The following CARD19 variants were observed in gnomAD, a reference collection of about 807,000 sequenced individuals.
CARD19 encodes caspase recruitment domain-containing protein 19.
A neutral mutation model predicts 24.1 loss-of-function variants in CARD19; 25 were observed. That is an observed-to-expected ratio of 1.04 (90% CI 0.76 to 1.45). The LOEUF is 1.45. Ranked by LOEUF, CARD19 falls within the 40% of genes most tolerant of loss-of-function variation. The pLI is 0.00. For synonymous variants in CARD19, 103 were observed against 104.9 expected (o/e 0.98, Z 0.11); for missense variants, 241 against 247.4 (o/e 0.97, Z 0.17).
intron 1 of CARD19, among the ~76,000 whole-genome samples, chr9:93,098,022 G>C (rs1826945086): frequency 6.6e-6 from 1 of 152,268 alleles, no homozygotes; most frequent in African/African-American, 2.4e-5. Flanking sequence ...CTGGGGTCCT[G>C]CCTTGCGCCA....
intron 1 of CARD19, among the ~76,000 whole-genome samples, chr9:93,099,940 A>G (rs1053002230): frequency 1.3e-5 from 2 of 152,156 alleles, no homozygotes; most frequent in African/African-American, 4.8e-5. Context: ...TGTTCTCTGG[A>G]GGGCAGGTAT....
At chr9:93,101,163 C>T (rs575434047) in intron 1 of CARD19, among the ~76,000 whole-genome samples, 4 of 150,670 alleles carry the variant, frequency 2.7e-5, no homozygotes, top group Non-Finnish European at 5.9e-5. Flanking sequence ...GTGCAACCTC[C>T]GCCTCCTGGG....
chr9:93,112,277 T>G lies in CARD19; in HGVS notation c.424T>G (p.Cys142Gly). 1 of 1,544,304 alleles carries G rather than the reference T, an allele frequency of 6.5e-7. No individual in the cohort carries two copies. The highest frequency in any genetic ancestry group is 8.7e-7 in the Non-Finnish European group (1 of 1,146,998). ...LAVGLALLLY[C>G]YPPDPKGLPG... Reference sequence around the variant, plus strand: ...TGTGGGACTGGCCCTGCTCCTGTACTGCTATCCGCCAGGTGGGTGCAAGCG... The same window carrying G: ...TGTGGGACTGGCCCTGCTCCTGTACGGCTATCCGCCAGGTGGGTGCAAGCG... The change falls in exon 5 of 6, where the codon TGC becomes GGC. Residue 142 changes from cysteine (C) to glycine (G), a missense_variant. Cys to Gly is a radical substitution (Grantham distance 159). Transcript: ENST00000375464.
At position 93,112,291 on chromosome 9, in the gene CARD19, T is replaced by C; in HGVS notation, c.436+2T>C. ...TGCTCCTGTACTGCTATCCGCCAGG[T>C]GGGTGCAAGCGGATCCTCATGGGGC... On this transcript the variant is annotated splice_donor_variant, in intron 5 of 5. Coordinates refer to ENST00000375464, the MANE Select transcript of CARD19 (RefSeq NM_032310.5). LOFTEE classifies it high-confidence loss of function. 1 of 1,543,046 alleles carries C rather than the reference T, an allele frequency of 6.5e-7. No individual in the cohort carries two copies. Among genetic ancestry groups the C allele is most frequent in the Middle Eastern group, 1.8e-4 (1 of 5,536 alleles).
In CARD19 at chr9:93,110,634, G is replaced by A. The variant is rs11557582; in HGVS notation, c.217G>A (p.Gly73Ser). The change falls in exon 3 of 6, where the codon GGT becomes AGT. Residue 73 changes from glycine (G) to serine (S), a missense_variant. Gly to Ser is a moderately conservative substitution (Grantham distance 56). Transcript: ENST00000375464. ...CCTCCTGAGCCACCTGCAGCGGAGC[G>A]GTGAGCGGGACTGCCAGGAGTTCTA... ...CDLLSHLQRS[G>S]ERDCQEFYRA... 1.2e-5 allele frequency: 20 copies of A among 1,613,786 alleles called. No individual in the cohort carries two copies. The highest frequency in any genetic ancestry group is 1.6e-4 in the Middle Eastern group (1 of 6,080).
chr9:93,110,928 G>T, intron 3 of CARD19: 11 of 1,532,238 alleles, frequency 7.2e-6, no homozygotes, highest in African/African-American at 1.4e-5. Context: ...GCAGATGTTG[G>T]TCTCTGTCTC....
chr9:93,107,023 A>C (rs1468424496), intron 1 of CARD19, among the ~76,000 whole-genome samples: 1 of 151,978 alleles, frequency 6.6e-6, no homozygotes, highest in Non-Finnish European at 1.5e-5. Context: ...AATGAAAAGC[A>C]TTTCTAGCCC....
chr9:93,112,303 G>C lies in CARD19; in HGVS notation c.436+14G>C. The C allele has an allele frequency of 6.5e-7, 1 of 1,541,568 alleles. No homozygotes were observed. The highest frequency in any genetic ancestry group is 1.2e-5 in the South Asian group (1 of 84,030). ...GCTATCCGCCAGGTGGGTGCAAGCGGATCCTCATGGGGCTGGGCCTGCCTC... is the reference window on the plus strand; with the variant it reads ...GCTATCCGCCAGGTGGGTGCAAGCGCATCCTCATGGGGCTGGGCCTGCCTC... On this transcript the variant is annotated intron_variant, in intron 5 of 5. Coordinates refer to ENST00000375464, the MANE Select transcript of CARD19 (RefSeq NM_032310.5).
Position 93,096,334 on chromosome 9 carries a change from G to C in CARD19, c.-12G>C. 1.6e-6 allele frequency: 2 copies of C among 1,225,914 alleles called. No homozygotes were observed. Among genetic ancestry groups the C allele is most frequent in the Non-Finnish European group, 2.0e-6 (2 of 984,044 alleles). 75.9% of individuals were successfully genotyped at this position (1,225,914 alleles called of 1,614,324 possible). ...ACCGCTGGGGACTGCGGGCGGCGCT[G>C]TGTCCGTCGCCATGACAGGTGGGCA... On this transcript the variant is annotated 5_prime_UTR_variant, in exon 1 of 6. Transcript: ENST00000375464. The surrounding 1 kb of genome is among the most constrained non-coding windows in gnomAD (Gnocchi z 5.4).
intron 3 of CARD19, chr9:93,111,167 G>C (rs181165515): frequency 8.3e-7 from 1 of 1,202,314 alleles, no homozygotes; most frequent in South Asian, 1.5e-5. Context: ...ATCTGCACAC[G>C]TGTGGGTGTT....
chr9:93,106,987 T>C (rs1329279760), intron 1 of CARD19, among the ~76,000 whole-genome samples: 1 of 151,138 alleles, frequency 6.6e-6, no homozygotes, highest in Non-Finnish European at 1.5e-5. Context: ...GATATTTTAA[T>C]GGTGATTCTG....
At chr9:93,099,826 C>G (rs1447494660) in intron 1 of CARD19, among the ~76,000 whole-genome samples, 4 of 152,232 alleles carry the variant, frequency 2.6e-5, no homozygotes, top group Admixed American at 2.6e-4. Flanking sequence ...CCATCTGCCT[C>G]CCTGCGCGGC....
chr9:93,105,401 C>T (rs1407172082), intron 1 of CARD19, among the ~76,000 whole-genome samples: 2 of 152,160 alleles, frequency 1.3e-5, no homozygotes, highest in East Asian at 3.9e-4. Context: ...GTGCCTCAGC[C>T]TCCCAGGTAG....
intron 1 of CARD19, among the ~76,000 whole-genome samples, chr9:93,104,056 A>G (rs2119077723): frequency 6.6e-6 from 1 of 152,332 alleles, no homozygotes; most frequent in Admixed American, 6.5e-5. Context: ...TGCTTTTTCT[A>G]TGTCAACTGA....
intron 1 of CARD19, among the ~76,000 whole-genome samples, chr9:93,102,968 A>G (rs1186312847): frequency 1.3e-5 from 2 of 151,950 alleles, no homozygotes; most frequent in African/African-American, 4.8e-5. Flanking sequence ...TTGTGTGTTG[A>G]TTTTATATCT....
chr9:93,098,139 T>G (rs574952554), intron 1 of CARD19, among the ~76,000 whole-genome samples: 1 of 151,898 alleles, frequency 6.6e-6, no homozygotes, highest in South Asian at 2.1e-4. Context: ...TGCCGGGGAG[T>G]GAGCAGTTTT....
chr9:93,106,662 GTTTCCTGTATGTCTTGTAGCTT>G (rs1195406332), intron 1 of CARD19, among the ~76,000 whole-genome samples: 1 of 150,208 alleles, frequency 6.7e-6, no homozygotes, highest in African/African-American at 2.4e-5. Context: ...TTTGCTATTT[GTTTCCTGTATGTCTTGTAGCTT>G]TTTTGACCCT....
At chr9:93,097,140 C>G (rs775235640) in intron 1 of CARD19, among the ~76,000 whole-genome samples, 8 of 152,284 alleles carry the variant, frequency 5.3e-5, no homozygotes, top group South Asian at 2.1e-4. Flanking sequence ...CATGGCAGCC[C>G]GGCCAGGGAG....
chr9:93,103,262 T>C (rs1827147643), intron 1 of CARD19, among the ~76,000 whole-genome samples: 1 of 152,208 alleles, frequency 6.6e-6, no homozygotes, highest in Non-Finnish European at 1.5e-5. Flanking sequence ...GCTGTGGGCT[T>C]TTCATATAAA....
Sources: gnomAD v4.1 joint callset for allele counts (sites outside exome capture counted in the v4.1 genomes callset) on GRCh38, gnomAD v4.1.1 for gene constraint, Gnocchi (gnomAD v3.1) non-coding constraint, MANE v1.5 for transcripts, NCBI Gene and HGNC (gene_info 2026-07-23, HGNC 2026-07-21) for gene names.